Variants in PTPN14 observed in about 807,000 individuals in gnomAD.
The protein encoded by PTPN14 is protein tyrosine phosphatase non-receptor type 14.
In PTPN14, 53 loss-of-function variants were observed where a neutral mutation model predicts 126.8. That is an observed-to-expected ratio of 0.42 (90% CI 0.34 to 0.53). The LOEUF is 0.53. Among genes scored for constraint, PTPN14 ranks in the 20% least tolerant of loss-of-function variants. The pLI, the probability that PTPN14 is intolerant of heterozygous loss-of-function variation, is 0.08. For synonymous variants in PTPN14, 630 were observed against 599.3 expected, an observed-to-expected ratio of 1.05 and a Z score of -0.75; for missense variants, 1,257 against 1,552.9, an observed-to-expected ratio of 0.81 and a Z score of 3.20.
chr1:214,494,085 T>C (rs890870745), intron 1 of PTPN14, among the ~76,000 whole-genome samples: 61 of 152,064 alleles, frequency 4.0e-4, no homozygotes, highest in Non-Finnish European at 1.5e-4. Context: ...TTTTTTTTTC[T>C]TTTGAGACAG....
Position 214,408,632 on chromosome 1 carries a change from A to C in PTPN14, c.510+3052T>G, listed in dbSNP as rs547570957. Among the ~76,000 whole-genome samples the C allele has an allele frequency of 4.6e-5, 7 of 152,370 alleles. No individual in the cohort carries two copies. In the South Asian group the frequency reaches 1.0e-3, roughly 23 times the overall value. On this transcript the variant is annotated intron_variant, in intron 5 of 18. Transcript: ENST00000366956. ...ATCTAGCTGACAATAATAAATACAT[A>C]CATATGTACATACATAAGAATGAAT...
intron 3 of PTPN14, among the ~76,000 whole-genome samples, chr1:214,448,957 G>C (rs1660209573): frequency 6.6e-6 from 1 of 151,044 alleles, no homozygotes; most frequent in African/African-American, 2.4e-5. Flanking sequence ...TCCTACAACA[G>C]TCTGTAAATA....
rs543290292 is a variant in PTPN14 at position 214,532,319 on chromosome 1, C to T, written c.-155+18864G>A. 5.9e-4 allele frequency: 303 copies of T among 513,742 alleles called. 4 individuals carry two copies. The highest frequency in any genetic ancestry group is 5.4e-3 in the South Asian group (295 of 54,320). The allele number at this position is 513,742 out of a possible 1,614,324, so 31.8% of individuals were successfully genotyped here. A position where few individuals can be genotyped will look rare whatever the true frequency, so the allele number is the denominator to read the frequency against. On this transcript the variant is annotated intron_variant, in intron 1 of 18. Coordinates refer to ENST00000366956, the MANE Select transcript of PTPN14 (RefSeq NM_005401.5). ...GTGCCAGGGGCTCTGGTTTCCAGAT[C>T]TCCGTGTCCTGCTACACCAGCTTCT...
intron 17 of PTPN14, among the ~76,000 whole-genome samples, chr1:214,366,183 A>T (rs967341695): frequency 3.3e-5 from 5 of 152,164 alleles, no homozygotes; most frequent in African/African-American, 9.7e-5. Context: ...CGCCTCAATT[A>T]AAAAAAGAAA....
At chr1:214,504,988 G>A (rs1654798339) in intron 1 of PTPN14, among the ~76,000 whole-genome samples, 1 of 152,104 alleles carries the variant, frequency 6.6e-6, no homozygotes, top group African/African-American at 2.4e-5. Context: ...GGGAATATAG[G>A]AGAAAAGATA....
At chr1:214,444,754 C>CA (rs1180522074) in intron 3 of PTPN14, among the ~76,000 whole-genome samples, 1 of 152,190 alleles carries the variant, frequency 6.6e-6, no homozygotes, top group Non-Finnish European at 1.5e-5. Flanking sequence ...CACACACATG[C>CA]ACACACCAAA....
At chr1:214,404,419 G>A (rs1343819935) in intron 5 of PTPN14, among the ~76,000 whole-genome samples, 1 of 152,146 alleles carries the variant, frequency 6.6e-6, no homozygotes, top group Non-Finnish European at 1.5e-5. Context: ...TTCATGTTGT[G>A]GAGTAACAAA....
chr1:214,349,114 C>A lies in PTPN14; in HGVS notation c.*8808G>T, dbSNP rs917353434. The A allele has an allele frequency of 6.6e-6, 1 of 152,180 alleles. No individual in the cohort carries two copies. The highest frequency in any genetic ancestry group is 1.5e-5 in the Non-Finnish European group (1 of 68,032). The allele number at this position is 152,180 out of a possible 1,614,324, so 9.4% of individuals were successfully genotyped here. A position where few individuals can be genotyped will look rare whatever the true frequency, so the allele number is the denominator to read the frequency against. On this transcript the variant is annotated 3_prime_UTR_variant, in exon 19 of 19. Coordinates refer to ENST00000366956, the MANE Select transcript of PTPN14 (RefSeq NM_005401.5). Reference sequence around the variant, plus strand: ...TAGGGAATGTCCTATAAACATCTCACCCCTCCCTCTGCTTACAACTACAGT... The same window carrying A: ...TAGGGAATGTCCTATAAACATCTCAACCCTCCCTCTGCTTACAACTACAGT...
chr1:214,466,229 T>C (rs1288872560), intron 1 of PTPN14, among the ~76,000 whole-genome samples: 1 of 151,860 alleles, frequency 6.6e-6, no homozygotes, highest in African/African-American at 2.4e-5. Flanking sequence ...CCCAAAGTAC[T>C]GGGGTTACAA....
At chr1:214,488,246 T>G (rs1661158068) in intron 1 of PTPN14, among the ~76,000 whole-genome samples, 1 of 152,244 alleles carries the variant, frequency 6.6e-6, no homozygotes, top group South Asian at 2.1e-4. Context: ...AAGATTATGT[T>G]TCACAGTAAT....
chr1:214,491,075 G>C (rs11120341), intron 1 of PTPN14, among the ~76,000 whole-genome samples: 93,886 of 150,994 alleles, frequency 0.62, 29,531 homozygotes, highest in Middle Eastern at 0.72. Flanking sequence ...AAGAAAGAAA[G>C]AGAAAGAAAG....
At chr1:214,433,548 T>C (rs760379278) in intron 3 of PTPN14, among the ~76,000 whole-genome samples, 1 of 152,044 alleles carries the variant, frequency 6.6e-6, no homozygotes, top group East Asian at 1.9e-4. Context: ...AGCCAGAGTA[T>C]TGTGGGTAGA....
intron 3 of PTPN14, among the ~76,000 whole-genome samples, chr1:214,435,793 A>G (rs1254136779): frequency 6.6e-6 from 1 of 152,224 alleles, no homozygotes; most frequent in African/African-American, 2.4e-5. Flanking sequence ...GTGGGAATGT[A>G]AATTAGTCAT....
At chr1:214,402,437 C>CAAAAAAAAAAAAAAAAAAAAAAAAAAAAA (rs1165595746) in intron 6 of PTPN14, among the ~76,000 whole-genome samples, 4 of 48,166 alleles carry the variant, frequency 8.3e-5, no homozygotes, top group African/African-American at 1.9e-4. Flanking sequence ...GAGACTCTGT[C>CAAAAAAAAAAAAAAAAAAAAAAAAAAAAA]AAAAAAAAAA....
chr1:214,499,083 A>C (rs1654615936), intron 1 of PTPN14, among the ~76,000 whole-genome samples: 1 of 152,108 alleles, frequency 6.6e-6, no homozygotes, highest in Admixed American at 6.5e-5. Context: ...GGGATAAGAG[A>C]TAGTAGCCAT....
intron 2 of PTPN14, among the ~76,000 whole-genome samples, chr1:214,452,723 T>A (rs1010080670): frequency 1.3e-5 from 2 of 152,198 alleles, no homozygotes; most frequent in African/African-American, 2.4e-5. Flanking sequence ...TGCTAAATGA[T>A]TAAAACAGGT....
In PTPN14 at chr1:214,369,488, G is replaced by A. The variant is rs757965334; in HGVS notation, c.3240C>T (p.His1080=). The stretch of plus-strand genomic sequence containing the variant: ...ATCCTTGGACATCTTCTGGACAGCC[G>A]TGATCTGGCCAGTCAGTATATTGTA... ...WHLQYTDWPD[H]GCPEDVQGFL... Residue 1080 remains histidine (H), a synonymous_variant, in exon 17 of 19, where the codon CAC becomes CAT. Transcript: ENST00000366956. The A allele has an allele frequency of 8.7e-6, 14 of 1,614,018 alleles. No individual in the cohort carries two copies. The highest frequency in any genetic ancestry group is 4.5e-5 in the East Asian group (2 of 44,872).
In PTPN14 at chr1:214,383,761, G is replaced by C; in HGVS notation, c.2094C>G (p.Phe698Leu). Residue 698 changes from phenylalanine (F) to leucine (L), a missense_variant, in exon 13 of 19, where the codon TTC (phenylalanine) becomes TTG (leucine). Phe to Leu is a conservative substitution (Grantham distance 22). Transcript: ENST00000366956. The surrounding 1 kb of genome is among the most constrained non-coding windows in gnomAD (Gnocchi z 4.4). ...QLPQYHHKKTFSDATMLIHSS... is the reference protein window; with the variant it reads ...QLPQYHHKKTLSDATMLIHSS... The stretch of plus-strand genomic sequence containing the variant: ...TGTGGATTAGCATAGTGGCATCAGA[G>C]AAGGTCTTCTTGTGGTGATACTGAG... 1.2e-6 allele frequency: 2 copies of C among 1,613,440 alleles called. No homozygotes were observed. Among genetic ancestry groups the C allele is most frequent in the Non-Finnish European group, 8.5e-7 (1 of 1,180,024 alleles).
chr1:214,503,688 A>C (rs1053698133), intron 1 of PTPN14, among the ~76,000 whole-genome samples: 12 of 152,246 alleles, frequency 7.9e-5, no homozygotes, highest in Non-Finnish European at 1.6e-4. Context: ...TAGTCGGTGT[A>C]ATTCGGTAAA....
Sources: gnomAD v4.1 joint callset for allele counts (sites outside exome capture counted in the v4.1 genomes callset) on GRCh38, gnomAD v4.1.1 for gene constraint, Gnocchi (gnomAD v3.1) non-coding constraint, MANE v1.5 for transcripts, NCBI Gene and HGNC (gene_info 2026-07-23, HGNC 2026-07-21) for gene names.